Variants in LEPROTL1 observed in about 807,000 individuals in gnomAD.
LEPROTL1 encodes leptin receptor overlapping transcript like 1, also known as leptin receptor overlapping transcript-like 1.
In LEPROTL1, 6 loss-of-function variants were observed where a neutral mutation model predicts 15.4. The ratio of observed to expected loss-of-function variants is 0.39; its 90% confidence interval spans 0.21 to 0.77. The LOEUF is 0.77. Among genes scored for constraint, LEPROTL1 ranks in the 30% least tolerant of loss-of-function variants. The pLI is 0.41. For synonymous variants in LEPROTL1, 56 were observed against 52.6 expected, an observed-to-expected ratio of 1.06 and a Z score of -0.28; for missense variants, 128 against 158.1, an observed-to-expected ratio of 0.81 and a Z score of 1.02.
In LEPROTL1 at chr8:30,107,159, T is replaced by C; in HGVS notation, c.*1297T>C. 1 of 985,390 alleles carries C rather than the reference T, an allele frequency of 1.0e-6. No homozygotes were observed. Among genetic ancestry groups the C allele is most frequent in the African/African-American group, 1.7e-5 (1 of 57,380 alleles). The allele number at this position is 985,390 out of a possible 1,614,324, so 61.0% of individuals were successfully genotyped here. On this transcript the variant is annotated 3_prime_UTR_variant, in exon 4 of 4. Transcript: ENST00000321250. ...TTTGAGTTCATCATGATAGATCTGC[T>C]GTTTCCTTATAAAAGGCATTTGTTG...
chr8:30,097,111 C>G (rs1802378456), intron 1 of LEPROTL1, among the ~76,000 whole-genome samples: 1 of 152,204 alleles, frequency 6.6e-6, no homozygotes. Flanking sequence ...AGAACCCAGA[C>G]TTATCTAAGC....
rs973673912 is a variant in LEPROTL1, at chr8:30,101,186, TA to T, written c.17-709del. ...AGGTTTTCCTATAGGATGAGGTTTCTAAAGTCCAGTAAACTTGAGCATGTGG... is the reference window on the plus strand; with the variant it reads ...AGGTTTTCCTATAGGATGAGGTTTCTAAGTCCAGTAAACTTGAGCATGTGG... On this transcript the variant is annotated intron_variant, in intron 1 of 3. Transcript: ENST00000321250. Among the ~76,000 whole-genome samples, 17 of 152,344 alleles carry T rather than the reference TA, an allele frequency of 1.1e-4. No individual in the cohort carries two copies. The South Asian group carries it at 2.5e-3, about 22-fold the overall frequency.
chr8:30,129,990 T>C (rs1039058999), intron 3 of LEPROTL1, among the ~76,000 whole-genome samples: 6 of 152,136 alleles, frequency 3.9e-5, no homozygotes, highest in Non-Finnish European at 8.8e-5. Context: ...CACTCACTAT[T>C]ATGAGAACAG....
At chr8:30,115,258 G>A (rs978948996) in intron 3 of LEPROTL1, among the ~76,000 whole-genome samples, 4 of 152,004 alleles carry the variant, frequency 2.6e-5, no homozygotes, top group African/African-American at 9.7e-5. Flanking sequence ...TCCAGAGGCT[G>A]AGGTGGGAGG....
rs569100546 is a variant in LEPROTL1, at chr8:30,117,740, T to C, written c.279+13254T>C. 1.5e-5 allele frequency: 15 copies of C among 1,025,786 alleles called. No homozygotes were observed. In the East Asian group the frequency reaches 3.3e-4, roughly 23 times the overall value. The allele number at this position is 1,025,786 out of a possible 1,614,324, so 63.5% of individuals were successfully genotyped here. A position where few individuals can be genotyped will look rare whatever the true frequency, so the allele number is the denominator to read the frequency against. Reference sequence around the variant, plus strand: ...TTGCCTCTCTTTTCGGCATTGTTGATGCTCTTGAGAGCATCAGCCAGGACA... The same window carrying C: ...TTGCCTCTCTTTTCGGCATTGTTGACGCTCTTGAGAGCATCAGCCAGGACA... On this transcript the variant is annotated intron_variant, in intron 3 of 4. Coordinates refer to the LEPROTL1 transcript ENST00000442880.
chr8:30,132,970 G>C, intron 4 of LEPROTL1: 1 of 1,442,856 alleles, frequency 6.9e-7, no homozygotes. Flanking sequence ...TCTTATTCCA[G>C]TCTGTCATAC....
chr8:30,095,934 C>A, intron 1 of LEPROTL1: 1 of 691,086 alleles, frequency 1.4e-6, no homozygotes, highest in South Asian at 1.5e-5. Context: ...CTAGAGATGC[C>A]AGCTATGGAA....
chr8:30,097,819 A>G lies in LEPROTL1; in HGVS notation c.16+2291A>G, dbSNP rs143401914. Among the ~76,000 whole-genome samples, 390 of 151,984 alleles carry G rather than the reference A, an allele frequency of 2.6e-3. 2 individuals carry two copies. The highest frequency in any genetic ancestry group is 9.0e-3 in the African/African-American group (374 of 41,472). ...TCCAGTATTCATATTCATAGCACTTACAATAAGACAATCTTGGTTTATGTT... is the reference window on the plus strand; with the variant it reads ...TCCAGTATTCATATTCATAGCACTTGCAATAAGACAATCTTGGTTTATGTT... On this transcript the variant is annotated intron_variant, in intron 1 of 3. Transcript: ENST00000321250.
intron 3 of LEPROTL1, among the ~76,000 whole-genome samples, chr8:30,121,772 A>G (rs1422637923): frequency 6.6e-6 from 1 of 151,974 alleles, no homozygotes; most frequent in South Asian, 2.1e-4. Flanking sequence ...TGGCCTCTGG[A>G]TTAGGGGTGT....
At chr8:30,120,361 G>A (rs1802810875) in intron 3 of LEPROTL1, among the ~76,000 whole-genome samples, 1 of 152,020 alleles carries the variant, frequency 6.6e-6, no homozygotes, top group African/African-American at 2.4e-5. Flanking sequence ...ACTATCATAA[G>A]ACTGCATGTG....
chr8:30,132,262 G>A, intron 3 of LEPROTL1: 5 of 1,551,780 alleles, frequency 3.2e-6, no homozygotes, highest in Non-Finnish European at 4.4e-6. Flanking sequence ...GAAGGCAAAT[G>A]TCTGCAACAA....
chr8:30,118,021 T>G (rs866137581), intron 3 of LEPROTL1, among the ~76,000 whole-genome samples: 13,929 of 93,112 alleles, frequency 0.15, 1,012 homozygotes, highest in East Asian at 0.28. Context: ...TTTGATTTGT[T>G]TTTTTTTTTT....
chr8:30,126,243 T>C (rs1298246536), intron 3 of LEPROTL1, among the ~76,000 whole-genome samples: 1 of 152,160 alleles, frequency 6.6e-6, no homozygotes, highest in African/African-American at 2.4e-5. Flanking sequence ...CCTAGGTATG[T>C]AGTAGGCTAG....
chr8:30,095,759 CGATTTCGGCA>C (rs1438226436), intron 1 of LEPROTL1: 3 of 697,682 alleles, frequency 4.3e-6, no homozygotes. Context: ...CACTTTCTGC[CGATTTCGGCA>C]GCCTCTCTCC....
chr8:30,136,963 C>T (rs550201386), intron 4 of LEPROTL1, among the ~76,000 whole-genome samples: 21 of 152,078 alleles, frequency 1.4e-4, no homozygotes, highest in Admixed American at 1.0e-3. Flanking sequence ...GTTGGGATTA[C>T]AGGAGTGAGC....
chr8:30,134,190 C>T (rs1803089388), intron 4 of LEPROTL1, among the ~76,000 whole-genome samples: 1 of 151,938 alleles, frequency 6.6e-6, no homozygotes, highest in Non-Finnish European at 1.5e-5. Context: ...TTTGGGAGGC[C>T]GAGGCAGGTG....
chr8:30,096,276 T>TA lies in LEPROTL1; in HGVS notation c.16+755dup, dbSNP rs1374699265. The TA allele has an allele frequency of 6.3e-5, 61 of 975,752 alleles. 1 individual carries two copies. The South Asian group carries it at 7.6e-4, about 12-fold the overall frequency. 60.4% of individuals were successfully genotyped at this position (975,752 alleles called of 1,614,324 possible). A position where few individuals can be genotyped will look rare whatever the true frequency, so the allele number is the denominator to read the frequency against. On this transcript the variant is annotated intron_variant, in intron 1 of 3. Coordinates refer to ENST00000321250, the MANE Select transcript of LEPROTL1 (RefSeq NM_015344.3). ...ACTGGCTTATTCATGTATTTTCTTT[T>TA]AAAAAAAGGAATGTTGCATTTGTTC...
downstream of LEPROTL1, among the ~76,000 whole-genome samples, chr8:30,111,736 T>A (rs1029606760): frequency 6.6e-6 from 1 of 152,146 alleles, no homozygotes. Flanking sequence ...GGGAAAGATT[T>A]GGGAGACAGA....
In LEPROTL1 at chr8:30,107,674, A is replaced by G. The variant is rs891504089; in HGVS notation, c.*1812A>G. Reference sequence around the variant, plus strand: ...TGTGGTATTATAATGTTCAGATTTCAAGAGGAAGGTGCAGGTACACATGAG... The same window carrying G: ...TGTGGTATTATAATGTTCAGATTTCGAGAGGAAGGTGCAGGTACACATGAG... On this transcript the variant is annotated 3_prime_UTR_variant, in exon 4 of 4. Transcript: ENST00000321250. The G allele has an allele frequency of 7.2e-5, 71 of 985,430 alleles. 1 individual carries two copies. The highest frequency in any genetic ancestry group is 8.1e-5 in the Non-Finnish European group (67 of 829,906). 61.0% of individuals were successfully genotyped at this position (985,430 alleles called of 1,614,324 possible).
Sources: gnomAD v4.1 joint callset for allele counts (sites outside exome capture counted in the v4.1 genomes callset) on GRCh38, gnomAD v4.1.1 for gene constraint, MANE v1.5 for transcripts, NCBI Gene and HGNC (gene_info 2026-07-23, HGNC 2026-07-21) for gene names.